The following QTRT2 variants were observed in gnomAD, a reference collection of about 807,000 sequenced individuals.
QTRT2 encodes the protein queuine tRNA-ribosyltransferase accessory subunit 2.
Under a neutral mutation model 44.8 loss-of-function variants are expected in QTRT2, and 32 were observed. That is an observed-to-expected ratio of 0.71 (90% confidence interval 0.54 to 0.96). The LOEUF (loss-of-function observed/expected upper bound fraction) is 0.96. Among genes scored for constraint, QTRT2 ranks in the 40% least tolerant of loss-of-function variants. The probability of loss-of-function intolerance (pLI) is 0.00; values close to 1 mark genes in which losing one functional copy is unlikely to be tolerated. For missense variants in QTRT2, 461 were observed against 503.1 expected (o/e 0.92, Z 0.80); for synonymous variants, 182 against 187.4 (o/e 0.97, Z 0.24).
chr3:114,084,980 A>C (rs1048781470), intron 9 of QTRT2, among the ~76,000 whole-genome samples: 8 of 152,180 alleles, frequency 5.3e-5, no homozygotes, highest in Non-Finnish European at 1.2e-4. Flanking sequence ...TTTGATAATA[A>C]TTCTGGTGGT....
intron 9 of QTRT2, among the ~76,000 whole-genome samples, chr3:114,084,558 G>C (rs923674481): frequency 1.3e-5 from 2 of 152,124 alleles, no homozygotes; most frequent in Non-Finnish European, 2.9e-5. Context: ...CTGCACTCCA[G>C]CCTGGGTGAT....
At chr3:114,080,324 G>T (rs2077151337) in intron 8 of QTRT2, among the ~76,000 whole-genome samples, 2 of 152,094 alleles carry the variant, frequency 1.3e-5, no homozygotes, top group Non-Finnish European at 2.9e-5. Flanking sequence ...CCTGAAAAAA[G>T]AACATTCAGA....
intron 6 of QTRT2, among the ~76,000 whole-genome samples, chr3:114,072,054 TCTG>T (rs1234035758): frequency 1.4e-4 from 22 of 152,344 alleles, no homozygotes; most frequent in African/African-American, 5.1e-4. Context: ...CGGATTTCCT[TCTG>T]GACTGTTTCT....
At chr3:114,072,357 T>C (rs1246185677) in intron 6 of QTRT2, among the ~76,000 whole-genome samples, 1 of 152,164 alleles carries the variant, frequency 6.6e-6, no homozygotes, top group African/African-American at 2.4e-5. Context: ...TTCACGATGT[T>C]GGTCAGACTG....
chr3:114,068,128 C>A, intron 5 of QTRT2, 65 bp downstream of exon 5: 1 of 1,268,232 alleles, frequency 7.9e-7, no homozygotes. Flanking sequence ...ATGGTGTATC[C>A]CTCAGATGCT....
chr3:114,058,933 AGT>A (rs1453748855), intron 2 of QTRT2, among the ~76,000 whole-genome samples: 2 of 152,244 alleles, frequency 1.3e-5, no homozygotes, highest in African/African-American at 4.8e-5. Flanking sequence ...GATTATAGAA[AGT>A]GTACATGTGT....
At chr3:114,062,217 A>T (rs2076896724) in intron 2 of QTRT2, among the ~76,000 whole-genome samples, 1 of 151,904 alleles carries the variant, frequency 6.6e-6, no homozygotes, top group Admixed American at 6.5e-5. Flanking sequence ...AAAGTTTTTT[A>T]ATTAGTTAGG....
At position 114,065,348 on chromosome 3, in the gene QTRT2, C is replaced by G; in HGVS notation, c.91C>G (p.Pro31Ala). Residue 31 changes from proline to alanine, a missense_variant, in exon 3 of 10, where the codon CCA becomes GCA. Coordinates refer to ENST00000281273, the MANE Select transcript of QTRT2 (RefSeq NM_024638.4). The part of the protein sequence containing the change: ...GKTGDHTMDI[P>A]GCLLYTKTGS... Reference sequence around the variant, plus strand: ...AACAGGGGACCACACCATGGATATTCCAGGCTGCCTTCTGTATACCAAGAC... The same window carrying G: ...AACAGGGGACCACACCATGGATATTGCAGGCTGCCTTCTGTATACCAAGAC... 1 of 1,614,064 alleles carries G rather than the reference C, an allele frequency of 6.2e-7. No individual in the cohort carries two copies. Among genetic ancestry groups the G allele is most frequent in the Non-Finnish European group, 8.5e-7 (1 of 1,179,988 alleles).
intron 2 of QTRT2, among the ~76,000 whole-genome samples, chr3:114,061,130 A>G (rs1467804091): frequency 6.6e-6 from 1 of 152,186 alleles, no homozygotes; most frequent in African/African-American, 2.4e-5. Flanking sequence ...GTACTGTGTT[A>G]AGAAAACCGA....
intron 6 of QTRT2, among the ~76,000 whole-genome samples, chr3:114,072,853 A>G (rs1441040448): frequency 6.6e-6 from 1 of 152,164 alleles, no homozygotes; most frequent in African/African-American, 2.4e-5. Context: ...AGGGATACTG[A>G]TAGCAGAGTT....
chr3:114,057,969 C>T (rs1313358571), intron 2 of QTRT2, among the ~76,000 whole-genome samples: 2 of 152,176 alleles, frequency 1.3e-5, no homozygotes, highest in South Asian at 2.1e-4. Flanking sequence ...AATAAGCTCC[C>T]AGCCTATTAG....
At position 114,056,760 on chromosome 3, in the gene QTRT2, C is replaced by G; in HGVS notation, c.-234C>G. ...GCAGTACTCCCTGATTGGCTCTGCA[C>G]TGGAGGCAGTGATTTTGGGGCAGAG... is the stretch of plus-strand genomic sequence containing the variant. On this transcript the variant is annotated 5_prime_UTR_variant, in exon 1 of 10. Coordinates refer to ENST00000281273, the MANE Select transcript of QTRT2 (RefSeq NM_024638.4). 1 of 1,468,740 alleles carries G rather than the reference C, an allele frequency of 6.8e-7. No individual in the cohort carries two copies. The highest frequency in any genetic ancestry group is 1.3e-5 in the South Asian group (1 of 78,902). 91.0% of individuals were successfully genotyped at this position (1,468,740 alleles called of 1,614,324 possible). A position where few individuals can be genotyped will look rare whatever the true frequency, so the allele number is the denominator to read the frequency against.
intron 5 of QTRT2, among the ~76,000 whole-genome samples, chr3:114,069,550 C>A (rs1204432302): frequency 1.3e-5 from 2 of 152,184 alleles, no homozygotes; most frequent in South Asian, 2.1e-4. Context: ...CCAGTTCCAT[C>A]TATGTTCCTG....
At chr3:114,074,593 CT>C (rs1444166151) in intron 6 of QTRT2, among the ~76,000 whole-genome samples, 1 of 152,210 alleles carries the variant, frequency 6.6e-6, no homozygotes, top group Non-Finnish European at 1.5e-5. Context: ...CCAAAGTGTT[CT>C]TTCTAGAGGA....
intron 8 of QTRT2, among the ~76,000 whole-genome samples, chr3:114,080,411 T>G (rs751102258): frequency 2.6e-5 from 4 of 152,216 alleles, no homozygotes; most frequent in Non-Finnish European, 5.9e-5. Flanking sequence ...CAAAAGAGTT[T>G]TTGTCTTTGC....
intron 7 of QTRT2, chr3:114,077,207 T>TA: frequency 4.7e-6 from 2 of 423,114 alleles, no homozygotes; most frequent in South Asian, 6.1e-5. Context: ...GAGCAAGTAT[T>TA]ATACTGTTTC....
chr3:114,073,334 A>C (rs980047799), intron 6 of QTRT2, among the ~76,000 whole-genome samples: 2 of 152,112 alleles, frequency 1.3e-5, no homozygotes, highest in Non-Finnish European at 2.9e-5. Context: ...AGTCAGCCTC[A>C]TCATTTCATA....
chr3:114,081,005 A>G (rs1450226406), intron 8 of QTRT2, among the ~76,000 whole-genome samples: 1 of 152,230 alleles, frequency 6.6e-6, no homozygotes, highest in Non-Finnish European at 1.5e-5. Flanking sequence ...GTATGTGGAT[A>G]GGTATACCAT....
chr3:114,079,535 T>G (rs1205201732), intron 7 of QTRT2: 1 of 171,646 alleles, frequency 5.8e-6, no homozygotes, highest in African/African-American at 2.5e-5. Context: ...TAAGACTCCC[T>G]CTCAAAAAAA....
Sources: allele counts gnomAD v4.1 joint callset (sites outside exome capture counted in the v4.1 genomes callset), GRCh38; gene constraint gnomAD v4.1.1; transcripts MANE v1.5; gene names NCBI Gene and HGNC (gene_info 2026-07-23, HGNC 2026-07-21).